The following CNTN4 variants were observed in gnomAD, a reference collection of about 807,000 sequenced individuals.
CNTN4 encodes the protein contactin 4, also known as contactin-4.
In CNTN4, 77 loss-of-function variants were observed where a neutral mutation model predicts 122.5. That is an observed-to-expected ratio of 0.63 (90% confidence interval 0.52 to 0.76). CNTN4 has a LOEUF of 0.76. Ranked by LOEUF, CNTN4 falls within the 30% of genes least tolerant of loss-of-function variation. The pLI, the probability that CNTN4 is intolerant of heterozygous loss-of-function variation, is 0.00. For synonymous variants in CNTN4, 512 were observed against 447.0 expected, an observed-to-expected ratio of 1.15 and a Z score of -1.83; for missense variants, 1,256 against 1,259.1, an observed-to-expected ratio of 1.00 and a Z score of 0.04.
At chr3:2,572,175 G>A (rs2079452041) in intron 4 of CNTN4, among the ~76,000 whole-genome samples, 1 of 152,148 alleles carries the variant, frequency 6.6e-6, no homozygotes, top group Admixed American at 6.5e-5. Flanking sequence ...ATCACCCGAG[G>A]TCAGAAGTTC....
chr3:2,340,709 A>AGAGAGAGAGAGAGAGAGAGAGAGAGGGG (rs1559468175), intron 3 of CNTN4, among the ~76,000 whole-genome samples: 19 of 101,368 alleles, frequency 1.9e-4, no homozygotes, highest in African/African-American at 5.1e-4. Flanking sequence ...ATATATATAT[A>AGAGAGAGAGAGAGAGAGAGAGAGAGGGG]TAGAGAGAGA....
intron 14 of CNTN4, among the ~76,000 whole-genome samples, chr3:3,002,318 T>C (rs1696131985): frequency 6.6e-6 from 1 of 152,146 alleles, no homozygotes; most frequent in African/African-American, 2.4e-5. Context: ...GTTCTGTGTA[T>C]AAAGAAAAAG....
chr3:2,479,677 T>A (rs2075934290), intron 3 of CNTN4, among the ~76,000 whole-genome samples: 1 of 152,186 alleles, frequency 6.6e-6, no homozygotes, highest in Non-Finnish European at 1.5e-5. Context: ...GGTGTGCCTG[T>A]CTATCAGACA....
At chr3:2,346,802 C>T (rs1359871118) in intron 3 of CNTN4, among the ~76,000 whole-genome samples, 1 of 152,140 alleles carries the variant, frequency 6.6e-6, no homozygotes, top group African/African-American at 2.4e-5. Flanking sequence ...AATGATAAGT[C>T]CAAGTATGCA....
At position 3,030,978 on chromosome 3, in the gene CNTN4, A is replaced by G; in HGVS notation, c.1783+3A>G. On this transcript the variant is annotated splice_donor_region_variant and intron_variant, in intron 16 of 24. Transcript: ENST00000418658. ...TGCTGCAGACCTGATTGTAAGAGGT[A>G]CTGGATTTTGTTGTTATTGTTGTTC... 1 of 1,614,006 alleles carries G rather than the reference A, an allele frequency of 6.2e-7. No individual in the cohort carries two copies.
chr3:2,354,353 A>T (rs746231578), intron 3 of CNTN4, among the ~76,000 whole-genome samples: 6 of 152,150 alleles, frequency 3.9e-5, no homozygotes, highest in Non-Finnish European at 5.9e-5. Context: ...CAATGTGGCG[A>T]AACCCCATCT....
At chr3:2,360,493 A>G (rs1278608951) in intron 3 of CNTN4, among the ~76,000 whole-genome samples, 1 of 152,192 alleles carries the variant, frequency 6.6e-6, no homozygotes. Context: ...ATTGCATAAT[A>G]CTGAAAACTG....
chr3:2,826,315 C>T (rs773738305), intron 7 of CNTN4, among the ~76,000 whole-genome samples: 1 of 152,110 alleles, frequency 6.6e-6, no homozygotes, highest in African/African-American at 2.4e-5. Flanking sequence ...ACTTGAGTCC[C>T]TGCATTACAA....
At position 2,230,530 on chromosome 3, in the gene CNTN4, C is replaced by T. The variant is rs537624772; in HGVS notation, c.-144-108648C>T. Among the ~76,000 whole-genome samples, 9 of 152,202 alleles carry T rather than the reference C, an allele frequency of 5.9e-5. No individual in the cohort carries two copies. The East Asian group carries it at 1.7e-3, about 29-fold the overall frequency. On this transcript the variant is annotated intron_variant, in intron 2 of 24. Transcript: ENST00000418658. ...TGGGATTGCACCAGCCTTCCCATGC[C>T]CAGTGAAGATAGGATTGTACCAATA...
intron 8 of CNTN4, among the ~76,000 whole-genome samples, chr3:2,880,348 C>T (rs1339109351): frequency 6.6e-6 from 1 of 152,196 alleles, no homozygotes; most frequent in African/African-American, 2.4e-5. Flanking sequence ...AGACGAAAGA[C>T]CTCCTTCTCT....
intron 4 of CNTN4, among the ~76,000 whole-genome samples, chr3:2,581,655 A>G (rs139274809): frequency 6.6e-6 from 1 of 152,334 alleles, no homozygotes; most frequent in African/African-American, 2.4e-5. Flanking sequence ...GTTTTTCCAG[A>G]GAACCTGCAA....
In CNTN4 at chr3:2,789,009, A is replaced by T. The variant is rs60266450; in HGVS notation, c.359-30477A>T. 2.1e-3 allele frequency among the ~76,000 whole-genome samples: 319 copies of T among 152,118 alleles called. 2 individuals carry two copies. Among genetic ancestry groups the T allele is most frequent in the African/African-American group, 7.6e-3 (315 of 41,500 alleles). On this transcript the variant is annotated intron_variant, in intron 6 of 24. Transcript: ENST00000418658. ...CTGATGCTTTTAAGGATTCCCCTGT[A>T]TTTTATTTTCTCTTTATGCCTTTGA...
intron 2 of CNTN4, among the ~76,000 whole-genome samples, chr3:2,176,696 A>C (rs73806380): frequency 0.012 from 1,854 of 152,208 alleles, 37 homozygotes; most frequent in African/African-American, 0.043. Flanking sequence ...CAAGATTATC[A>C]CTTTTATTTT....
At chr3:2,784,649 A>G (rs2091739287) in intron 6 of CNTN4, among the ~76,000 whole-genome samples, 1 of 152,196 alleles carries the variant, frequency 6.6e-6, no homozygotes, top group Non-Finnish European at 1.5e-5. Flanking sequence ...ATGTGGGAGC[A>G]TTACAGTCAC....
chr3:3,052,270 C>T (rs991231278), intron 23 of CNTN4, among the ~76,000 whole-genome samples: 4 of 152,102 alleles, frequency 2.6e-5, no homozygotes, highest in Admixed American at 2.6e-4. Flanking sequence ...TTCTTTGTTG[C>T]GGGGCTGCTC....
Position 3,026,147 on chromosome 3 carries a change from T to G in CNTN4, c.1532T>G (p.Val511Gly). The stretch of plus-strand genomic sequence containing the variant: ...CCCCCTTCCAGTATGGATGTCACTG[T>G]TGGAGAGAGTATTGTTTTACCGTGC... ...MVPPSSMDVT[V>G]GESIVLPCQV... The change falls in exon 15 of 25, where the codon GTT becomes GGT. Residue 511 changes from valine to glycine, a missense_variant. Transcript: ENST00000418658. 1 of 1,613,436 alleles carries G rather than the reference T, an allele frequency of 6.2e-7. No homozygotes were observed. Among genetic ancestry groups the G allele is most frequent in the Non-Finnish European group, 8.5e-7 (1 of 1,179,550 alleles).
chr3:2,650,719 A>ATAATCATTAG (rs1453878782), intron 4 of CNTN4, among the ~76,000 whole-genome samples: 2 of 152,196 alleles, frequency 1.3e-5, no homozygotes, highest in Non-Finnish European at 2.9e-5. Flanking sequence ...GAAGGCTCAG[A>ATAATCATTAG]TAATCATTAG....
At chr3:2,681,359 C>G (rs1259313124) in intron 4 of CNTN4, among the ~76,000 whole-genome samples, 1 of 152,122 alleles carries the variant, frequency 6.6e-6, no homozygotes, top group Non-Finnish European at 1.5e-5. Context: ...CTGCCACACC[C>G]CTGGAGCAGC....
chr3:2,227,246 T>C (rs1003783221), intron 2 of CNTN4, among the ~76,000 whole-genome samples: 1 of 152,216 alleles, frequency 6.6e-6, no homozygotes, highest in Non-Finnish European at 1.5e-5. Flanking sequence ...TCACTTTTCA[T>C]TGTAAATACA....
Sources: gnomAD v4.1 joint callset for allele counts (sites outside exome capture counted in the v4.1 genomes callset) on GRCh38, gnomAD v4.1.1 for gene constraint, MANE v1.5 for transcripts, NCBI Gene and HGNC (gene_info 2026-07-23, HGNC 2026-07-21) for gene names.